Variants in UNC5C observed in about 807,000 individuals in gnomAD.
UNC5C encodes the protein unc-5 netrin receptor C.
In UNC5C, 47 loss-of-function variants were observed where a neutral mutation model predicts 99.8. That is an observed-to-expected ratio of 0.47 (90% CI 0.37 to 0.60). UNC5C has a LOEUF of 0.60. UNC5C is among the 20% of genes least tolerant of loss of function. The pLI, the probability that UNC5C is intolerant of heterozygous loss-of-function variation, is 0.00. For missense variants in UNC5C, 1,062 were observed against 1,165.9 expected, an observed-to-expected ratio of 0.91 and a Z score of 1.30; for synonymous variants, 487 against 452.2, an observed-to-expected ratio of 1.08 and a Z score of -0.98.
chr4:95,259,462 G>T (rs868666180), intron 4 of UNC5C, among the ~76,000 whole-genome samples: 1 of 152,110 alleles, frequency 6.6e-6, no homozygotes, highest in African/African-American at 2.4e-5. Context: ...GCCTTCGCTG[G>T]CATTTCTGTG....
chr4:95,395,751 C>CA (rs929774152), intron 1 of UNC5C, among the ~76,000 whole-genome samples: 1 of 152,008 alleles, frequency 6.6e-6, no homozygotes. Flanking sequence ...GCAGACAGGC[C>CA]AAAAAAGCTG....
intron 4 of UNC5C, among the ~76,000 whole-genome samples, chr4:95,258,554 T>G (rs530359747): frequency 7.9e-5 from 12 of 152,206 alleles, no homozygotes; most frequent in African/African-American, 2.6e-4. Flanking sequence ...TCTGTCCTTG[T>G]GGTTCAGTAA....
chr4:95,323,142 T>C (rs1742755011), intron 2 of UNC5C, among the ~76,000 whole-genome samples: 1 of 152,058 alleles, frequency 6.6e-6, no homozygotes, highest in Admixed American at 6.6e-5. Flanking sequence ...TCTTTAAGAA[T>C]GAGTAAGATG....
intron 1 of UNC5C, among the ~76,000 whole-genome samples, chr4:95,491,291 T>C (rs894367665): frequency 1.3e-5 from 2 of 151,512 alleles, no homozygotes; most frequent in African/African-American, 2.4e-5. Context: ...ATTTTAAAGA[T>C]AGAAAAGAAA....
chr4:95,382,526 T>G (rs1745101980), intron 1 of UNC5C, among the ~76,000 whole-genome samples: 1 of 152,118 alleles, frequency 6.6e-6, no homozygotes, highest in Admixed American at 6.6e-5. Context: ...AAATCCATCT[T>G]TTGAGAATAG....
At chr4:95,187,486 A>G (rs1736877010) in intron 12 of UNC5C, among the ~76,000 whole-genome samples, 1 of 152,212 alleles carries the variant, frequency 6.6e-6, no homozygotes, top group African/African-American at 2.4e-5. Context: ...AGAGGATATG[A>G]AGAGCATTAT....
At chr4:95,198,278 C>G (rs183488095) in intron 12 of UNC5C, among the ~76,000 whole-genome samples, 169 of 151,886 alleles carry the variant, frequency 1.1e-3, no homozygotes, top group African/African-American at 3.9e-3. Context: ...CGTGAGTCAC[C>G]GTGCCCAGTG....
intron 1 of UNC5C, among the ~76,000 whole-genome samples, chr4:95,452,723 A>G (rs2149468003): frequency 6.6e-6 from 1 of 152,306 alleles, no homozygotes; most frequent in Non-Finnish European, 1.5e-5. Context: ...TGTTTGTTCA[A>G]GCCAACAGAG....
intron 1 of UNC5C, among the ~76,000 whole-genome samples, chr4:95,383,084 G>T (rs1252531645): frequency 6.6e-6 from 1 of 152,090 alleles, no homozygotes; most frequent in Non-Finnish European, 1.5e-5. Context: ...AGCATCCCTA[G>T]AATAAACAGT....
chr4:95,437,216 T>C (rs947404494), intron 1 of UNC5C, among the ~76,000 whole-genome samples: 2 of 151,834 alleles, frequency 1.3e-5, no homozygotes, highest in Non-Finnish European at 1.5e-5. Flanking sequence ...TAGTGTATCA[T>C]GTCAATTCTT....
chr4:95,493,354 C>T (rs1007460233), intron 1 of UNC5C, among the ~76,000 whole-genome samples: 1 of 151,372 alleles, frequency 6.6e-6, no homozygotes, highest in African/African-American at 2.4e-5. Flanking sequence ...AATCCAATTA[C>T]AATGCGGAAT....
intron 1 of UNC5C, among the ~76,000 whole-genome samples, chr4:95,480,156 T>C (rs1721091000): frequency 6.6e-6 from 1 of 151,540 alleles, no homozygotes; most frequent in African/African-American, 2.4e-5. Flanking sequence ...TCTGAGCCAA[T>C]TCCTTATAAT....
intron 1 of UNC5C, among the ~76,000 whole-genome samples, chr4:95,454,935 G>A (rs1747386686): frequency 6.6e-6 from 1 of 151,794 alleles, no homozygotes; most frequent in Non-Finnish European, 1.5e-5. Flanking sequence ...TAAGTGCATG[G>A]GAAAGACATT....
At chr4:95,352,817 G>T (rs1744037797) in intron 1 of UNC5C, among the ~76,000 whole-genome samples, 1 of 152,016 alleles carries the variant, frequency 6.6e-6, no homozygotes, top group East Asian at 1.9e-4. Flanking sequence ...ATTTTTATTT[G>T]AATTGTTACA....
At chr4:95,261,347 G>T (rs1427855197) in intron 4 of UNC5C, among the ~76,000 whole-genome samples, 2 of 152,084 alleles carry the variant, frequency 1.3e-5, no homozygotes, top group Non-Finnish European at 2.9e-5. Context: ...AGTAGAATTG[G>T]GTGTGCTTTG....
intron 2 of UNC5C, among the ~76,000 whole-genome samples, chr4:95,328,674 T>C (rs112587345): frequency 0.13 from 18,691 of 144,154 alleles, 1,365 homozygotes; most frequent in African/African-American, 0.18. Flanking sequence ...TAGTTGACAG[T>C]CCCACCAACA....
intron 1 of UNC5C, among the ~76,000 whole-genome samples, chr4:95,402,196 C>T (rs929928400): frequency 6.6e-6 from 1 of 152,150 alleles, no homozygotes; most frequent in Non-Finnish European, 1.5e-5. Flanking sequence ...CTAATTGATG[C>T]CATTATACAT....
At chr4:95,214,781 G>A (rs976456869) in intron 10 of UNC5C, among the ~76,000 whole-genome samples, 4 of 152,188 alleles carry the variant, frequency 2.6e-5, no homozygotes, top group African/African-American at 9.7e-5. Context: ...TGCTAACCTT[G>A]ACTCTGGAAG....
chr4:95,411,015 G>C (rs1050981249), intron 1 of UNC5C, among the ~76,000 whole-genome samples: 2 of 152,168 alleles, frequency 1.3e-5, no homozygotes, highest in African/African-American at 2.4e-5. Context: ...CAAATGCTTG[G>C]TTTAATTGTC....
Sources: gnomAD v4.1 joint callset for allele counts (sites outside exome capture counted in the v4.1 genomes callset) on GRCh38, gnomAD v4.1.1 for gene constraint, MANE v1.5 for transcripts, NCBI Gene and HGNC (gene_info 2026-07-23, HGNC 2026-07-21) for gene names.